TRPM7: variants seen among roughly 807,000 people sequenced by gnomAD.
TRPM7 encodes LTRPC ion channel family member 7.
A neutral mutation model predicts 229.7 loss-of-function variants in TRPM7; 134 were observed. That is an observed-to-expected ratio of 0.58 (90% CI 0.51 to 0.67). The LOEUF (loss-of-function observed/expected upper bound fraction) is 0.67. Ranked by LOEUF, TRPM7 falls within the 30% of genes least tolerant of loss-of-function variation. The pLI, the probability that TRPM7 is intolerant of heterozygous loss-of-function variation, is 0.00. For missense variants in TRPM7, 1,901 were observed against 2,210.0 expected (o/e 0.86, Z 2.80); for synonymous variants, 699 against 715.2 (o/e 0.98, Z 0.36).
intron 33 of TRPM7, 87 bp from the exon 34 acceptor site, chr15:50,575,222 T>C: frequency 2.5e-6 from 3 of 1,183,790 alleles, no homozygotes; most frequent in Non-Finnish European, 3.5e-6. Context: ...GCATCTTTGA[T>C]TAAGGAACAG....
chr15:50,665,341 C>A (rs2061852890), intron 1 of TRPM7, among the ~76,000 whole-genome samples: 1 of 151,172 alleles, frequency 6.6e-6, no homozygotes. Flanking sequence ...TTGCAGTGAG[C>A]CAAGATCATG....
rs766325009 is a variant in TRPM7, at chr15:50,592,162, C to G, written c.4073G>C (p.Ser1358Thr). 6.2e-7 allele frequency: 1 copy of G among 1,613,986 alleles called. No individual in the cohort carries two copies. The highest frequency in any genetic ancestry group is 1.3e-5 in the African/African-American group (1 of 75,010). ...AGSSSGALFP[S>T]AVSPPELRQR... The stretch of plus-strand genomic sequence containing the variant: ...TCGCAGTTCTGGAGGGGAAACAGCA[C>G]TTGGGAATAAGGCACCAGAAGAGGA... Residue 1358 changes from serine to threonine, a missense_variant, in exon 26 of 39, where the codon AGT becomes ACT. Physicochemically the swap from Ser to Thr is moderately conservative, Grantham distance 58. Around this residue, in one of 8 missense-constraint regions of TRPM7, gnomAD observed 533 missense variants for 497.1 expected, o/e 1.07. Transcript: ENST00000646667.
intron 1 of TRPM7, among the ~76,000 whole-genome samples, chr15:50,663,672 T>TA (rs2061796039): frequency 6.6e-6 from 1 of 152,154 alleles, no homozygotes; most frequent in African/African-American, 2.4e-5. Context: ...ATGAGCCATT[T>TA]AAAAGACAAC....
At chr15:50,590,807 G>C (rs1311003499) in intron 26 of TRPM7, among the ~76,000 whole-genome samples, 1 of 147,518 alleles carries the variant, frequency 6.8e-6, no homozygotes, top group Non-Finnish European at 1.5e-5. Flanking sequence ...CTGGGCGACA[G>C]AGGGAGACTC....
chr15:50,594,703 AAAT>A (rs772565610), intron 23 of TRPM7, 90 bp from the exon 24 acceptor site: 590 of 881,428 alleles, frequency 6.7e-4, no homozygotes, highest in Non-Finnish European at 8.9e-4. Flanking sequence ...ATTCTGTACT[AAAT>A]AATAATTCAA....
At chr15:50,623,498 GC>G (rs2060476813) in intron 12 of TRPM7, among the ~76,000 whole-genome samples, 1 of 92,754 alleles carries the variant, frequency 1.1e-5, no homozygotes, top group Admixed American at 1.0e-4. Flanking sequence ...CCCCCTCCCC[GC>G]CCCGCCCTGG....
At chr15:50,628,584 G>C (rs1249932590) in intron 10 of TRPM7, among the ~76,000 whole-genome samples, 2 of 152,156 alleles carry the variant, frequency 1.3e-5, no homozygotes, top group African/African-American at 4.8e-5. Flanking sequence ...AGGATTACAA[G>C]TGTGAGCCAC....
Position 50,592,099 on chromosome 15 carries a change from T to C in TRPM7, c.4136A>G (p.Asn1379Ser). ...TGAACTGCCTAATTTTTGATTTTTA[T>C]TAAATATTTTTAAGAGTTCTACCCC... Reference protein sequence around the residue: ...LHGVELLKIFNKNQKLGSSST... With the variant: ...LHGVELLKIFSKNQKLGSSST... The change falls in exon 26 of 39, where the codon AAT becomes AGT. Residue 1379 changes from asparagine to serine, a missense_variant. Physicochemically the swap from Asn to Ser is conservative, Grantham distance 46. Transcript: ENST00000646667. 1 of 1,609,858 alleles carries C rather than the reference T, an allele frequency of 6.2e-7. No homozygotes were observed. Among genetic ancestry groups the C allele is most frequent in the South Asian group, 1.1e-5 (1 of 89,842 alleles).
chr15:50,599,515 C>CT lies in TRPM7; in HGVS notation c.2989-220_2989-219insA, dbSNP rs2059720119. 4 of 387,766 alleles carry CT rather than the reference C, an allele frequency of 1.0e-5. No homozygotes were observed. In the East Asian group the frequency reaches 1.6e-4, roughly 15 times the overall value. 24.0% of individuals were successfully genotyped at this position (387,766 alleles called of 1,614,324 possible). On this transcript the variant is annotated intron_variant, in intron 21 of 38. Transcript: ENST00000646667. The stretch of plus-strand genomic sequence containing the variant: ...GTAAAAAAAAATCTATTAAGCTAAG[C>CT]AAGTCATGGGCATCTTTATCTACAT...
chr15:50,632,744 G>T, intron 9 of TRPM7, 125 bp downstream of exon 9: 4 of 919,672 alleles, frequency 4.3e-6, no homozygotes, highest in Non-Finnish European at 6.1e-6. Context: ...TATTTTTATG[G>T]TTAATAAAGA....
chr15:50,579,776 GATTT>G (rs951826625), intron 30 of TRPM7, among the ~76,000 whole-genome samples: 5 of 152,020 alleles, frequency 3.3e-5, no homozygotes, highest in South Asian at 2.1e-4. Context: ...TATATATTCA[GATTT>G]ATTTATTTTC....
chr15:50,657,164 G>A (rs1276671028), intron 3 of TRPM7, among the ~76,000 whole-genome samples: 1 of 151,812 alleles, frequency 6.6e-6, no homozygotes, highest in African/African-American at 2.4e-5. Flanking sequence ...TTTCTACTAA[G>A]AATACAAAAA....
rs570133767 is a variant in TRPM7, at chr15:50,561,587, A to G, written c.*91T>C. The G allele has an allele frequency of 3.5e-5, 52 of 1,501,336 alleles. No individual in the cohort carries two copies. The South Asian group carries it at 5.3e-4, about 15-fold the overall frequency. 93.0% of individuals were successfully genotyped at this position (1,501,336 alleles called of 1,614,324 possible). ...AAATTCAACTTGCATACACCTTTCTATATTACCAAACAATTTCCTCCCGAG... is the reference window on the plus strand; with the variant it reads ...AAATTCAACTTGCATACACCTTTCTGTATTACCAAACAATTTCCTCCCGAG... On this transcript the variant is annotated 3_prime_UTR_variant, in exon 39 of 39. Transcript: ENST00000646667.
intron 11 of TRPM7, among the ~76,000 whole-genome samples, chr15:50,627,796 A>G (rs1421072920): frequency 6.6e-6 from 1 of 152,206 alleles, no homozygotes; most frequent in Non-Finnish European, 1.5e-5. Flanking sequence ...CATCTTAGAA[A>G]CTAGGAAGAA....
In TRPM7 at chr15:50,686,527, G is replaced by A. The variant is rs1225105969; in HGVS notation, c.3+4C>T. ...CCCCGCCCGGGCCTGCGTGGGTCCAGTACCATTCTCCTCACGGGGCGGACT... is the reference window on the plus strand; with the variant it reads ...CCCCGCCCGGGCCTGCGTGGGTCCAATACCATTCTCCTCACGGGGCGGACT... On this transcript the variant is annotated splice_donor_region_variant and intron_variant, in intron 1 of 38. Coordinates refer to ENST00000646667, the MANE Select transcript of TRPM7 (RefSeq NM_017672.6). The A allele has an allele frequency of 6.2e-7, 1 of 1,612,314 alleles. No homozygotes were observed. The highest frequency in any genetic ancestry group is 8.5e-7 in the Non-Finnish European group (1 of 1,179,148).
chr15:50,563,188 A>G (rs1235653031), intron 38 of TRPM7, among the ~76,000 whole-genome samples: 1 of 152,236 alleles, frequency 6.6e-6, no homozygotes, highest in African/African-American at 2.4e-5. Context: ...TCATTTGTTC[A>G]CAGTCTGTGG....
At chr15:50,605,829 T>C (rs1566993171) in intron 20 of TRPM7, among the ~76,000 whole-genome samples, 1 of 152,104 alleles carries the variant, frequency 6.6e-6, no homozygotes, top group Non-Finnish European at 1.5e-5. Context: ...TCTTCAAACA[T>C]GCTGATAAAA....
chr15:50,586,804 G>T (rs998121173), intron 27 of TRPM7, among the ~76,000 whole-genome samples: 3 of 152,146 alleles, frequency 2.0e-5, no homozygotes, highest in African/African-American at 7.2e-5. Flanking sequence ...GGATCATGAT[G>T]TCAAGAGATC....
At chr15:50,684,302 A>G (rs1050492730) in intron 1 of TRPM7, among the ~76,000 whole-genome samples, 2 of 151,806 alleles carry the variant, frequency 1.3e-5, no homozygotes, top group Non-Finnish European at 2.9e-5. Context: ...ACCACGCCCG[A>G]TTACTGATCA....
Sources: allele counts gnomAD v4.1 joint callset (sites outside exome capture counted in the v4.1 genomes callset), GRCh38; gene constraint gnomAD v4.1.1; regional missense constraint gnomAD v4.1.1; transcripts MANE v1.5; gene names NCBI Gene and HGNC (gene_info 2026-07-23, HGNC 2026-07-21).